Variants in PIWIL2 observed in about 807,000 individuals in gnomAD.
The protein encoded by PIWIL2 is piwi-like protein 2.
In PIWIL2, 81 loss-of-function variants were observed where a neutral mutation model predicts 116.5. That is an observed-to-expected ratio of 0.70 (90% CI 0.58 to 0.84). The LOEUF (loss-of-function observed/expected upper bound fraction) is 0.84, where lower values mean the gene tolerates loss of function less well. Among genes scored for constraint, PIWIL2 ranks in the 40% least tolerant of loss-of-function variants. The pLI is 0.00. For synonymous variants in PIWIL2, 489 were observed against 429.5 expected (o/e 1.14, Z -1.71); for missense variants, 1,272 against 1,212.3 (o/e 1.05, Z -0.73).
intron 4 of PIWIL2, 109 bp from the exon 5 acceptor site, chr8:22,282,925 A>T (rs1830543630): frequency 2.4e-6 from 2 of 840,612 alleles, no homozygotes; most frequent in African/African-American, 3.3e-5. Flanking sequence ...TGAAACTTGG[A>T]TCCCTTTTGC....
intron 16 of PIWIL2, 100 bp downstream of exon 16, chr8:22,311,400 C>A: frequency 1.1e-6 from 1 of 934,550 alleles, no homozygotes. Context: ...GTTGATGATG[C>A]CCTAGAACTT....
At chr8:22,347,551 G>A (rs1375915378) in intron 20 of PIWIL2, among the ~76,000 whole-genome samples, 1 of 129,040 alleles carries the variant, frequency 7.7e-6, no homozygotes, top group Non-Finnish European at 1.6e-5. Flanking sequence ...ATTTGAGACG[G>A]AGTCCTGCTC....
Position 22,305,930 on chromosome 8 carries a change from C to T in PIWIL2, c.1459C>T (p.Leu487=), listed in dbSNP as rs761328390. The part of the protein sequence containing the change: ...SERQDNHGML[L]KGEILLLPEL... The stretch of plus-strand genomic sequence containing the variant: ...CCTCTTCGTTCTCTCTTCAAAGCTG[C>T]TAAAAGGGGAAATCCTGCTGCTGCC... The change falls in exon 13 of 23, where the codon CTA becomes TTA. Residue 487 remains leucine, a synonymous_variant. Coordinates refer to ENST00000356766, the MANE Select transcript of PIWIL2 (RefSeq NM_018068.5). The T allele has an allele frequency of 8.7e-6, 14 of 1,613,082 alleles. No homozygotes were observed. The highest frequency in any genetic ancestry group is 1.1e-5 in the Non-Finnish European group (13 of 1,179,066).
At chr8:22,326,304 T>A (rs116913699) in intron 20 of PIWIL2, among the ~76,000 whole-genome samples, 1,598 of 152,180 alleles carry the variant, frequency 0.011, 14 homozygotes, top group Middle Eastern at 0.021. Context: ...GTGGATTGCT[T>A]GAGCTCAGGA....
chr8:22,354,292 C>A lies in PIWIL2; in HGVS notation c.2679C>A (p.Ala893=), dbSNP rs1182983756. Residue 893 remains alanine, a synonymous_variant, in exon 22 of 23, where the codon GCC becomes GCA. Transcript: ENST00000356766. ...SCEWVDFYLL[A]HHVRQGCGIP... is the part of the protein sequence containing the mutation. ...CTAGGGTGGATTTCTATCTTCTTGC[C>A]CATCATGTACGGCAGGGCTGTGGCA... The A allele has an allele frequency of 1.2e-6, 2 of 1,612,384 alleles. No individual in the cohort carries two copies. Among genetic ancestry groups the A allele is most frequent in the Admixed American group, 3.3e-5 (2 of 59,978 alleles).
intron 10 of PIWIL2, among the ~76,000 whole-genome samples, chr8:22,293,889 T>C (rs962192037): frequency 6.6e-6 from 1 of 152,208 alleles, no homozygotes; most frequent in African/African-American, 2.4e-5. Flanking sequence ...ATTTTCATGG[T>C]GAATGTCACC....
At chr8:22,354,784 A>G (rs534821604) in intron 22 of PIWIL2, among the ~76,000 whole-genome samples, 1 of 152,352 alleles carries the variant, frequency 6.6e-6, no homozygotes, top group African/African-American at 2.4e-5. Flanking sequence ...GTATAAAAAC[A>G]GGAGGCTGGG....
In PIWIL2 at chr8:22,304,099, C is replaced by G; in HGVS notation, c.1260C>G (p.Thr420=). 1.2e-6 allele frequency: 2 copies of G among 1,607,828 alleles called. No individual in the cohort carries two copies. Among genetic ancestry groups the G allele is most frequent in the Non-Finnish European group, 8.5e-7 (1 of 1,174,316 alleles). The part of the protein sequence containing the change: ...TKLLVGNIVI[T]RYNNRTYRID... ...TTCTGGTTGGCAATATTGTTATCAC[C>G]CGATATAACAATCGTACCTATCGTA... Residue 420 remains threonine (T), a synonymous_variant, in exon 11 of 23, where the codon ACC becomes ACG. Transcript: ENST00000356766.
At chr8:22,318,556 G>A (rs1212705946) in intron 20 of PIWIL2, among the ~76,000 whole-genome samples, 1 of 152,154 alleles carries the variant, frequency 6.6e-6, no homozygotes, top group African/African-American at 2.4e-5. Flanking sequence ...GACCTCAGGT[G>A]ATCTGCCTGC....
intron 20 of PIWIL2, among the ~76,000 whole-genome samples, chr8:22,330,969 G>C (rs1831848116): frequency 6.6e-6 from 1 of 152,174 alleles, no homozygotes; most frequent in East Asian, 1.9e-4. Flanking sequence ...GAAGTCAGGA[G>C]TTCGAGACCA....
At chr8:22,278,357 A>G (rs1830425246) in intron 1 of PIWIL2, among the ~76,000 whole-genome samples, 1 of 151,968 alleles carries the variant, frequency 6.6e-6, no homozygotes, top group Non-Finnish European at 1.5e-5. Context: ...CCGTCTGTAC[A>G]AAAAATGTAC....
chr8:22,288,330 A>AACT (rs1242112155), intron 7 of PIWIL2, among the ~76,000 whole-genome samples: 1 of 151,642 alleles, frequency 6.6e-6, no homozygotes, highest in Admixed American at 6.6e-5. Flanking sequence ...TGCAAATGTA[A>AACT]ACTTGGTTGG....
intron 4 of PIWIL2, 94 bp downstream of exon 4, chr8:22,281,609 A>G: frequency 1.9e-6 from 2 of 1,032,310 alleles, no homozygotes; most frequent in Non-Finnish European, 2.8e-6. Flanking sequence ...GTGTCATCTC[A>G]TAATCAATGT....
chr8:22,277,875 A>C (rs562476447), intron 1 of PIWIL2, among the ~76,000 whole-genome samples: 3 of 152,316 alleles, frequency 2.0e-5, no homozygotes, highest in African/African-American at 7.2e-5. Context: ...GTTAACTATG[A>C]AATTGTTTAT....
intron 10 of PIWIL2, among the ~76,000 whole-genome samples, chr8:22,293,894 G>C (rs1830823761): frequency 1.3e-5 from 2 of 152,104 alleles, no homozygotes; most frequent in African/African-American, 4.8e-5. Flanking sequence ...CATGGTGAAT[G>C]TCACCCACAT....
intron 20 of PIWIL2, among the ~76,000 whole-genome samples, chr8:22,340,527 G>A (rs554861298): frequency 6.6e-6 from 1 of 152,060 alleles, no homozygotes. Flanking sequence ...CCAATGATGG[G>A]TATTACCTTA....
rs1012440896 is a variant in PIWIL2 at position 22,281,370 on chromosome 8, C to A, written c.287-7C>A. The A allele has an allele frequency of 6.2e-7, 1 of 1,606,936 alleles. No homozygotes were observed. The highest frequency in any genetic ancestry group is 8.5e-7 in the Non-Finnish European group (1 of 1,178,432). On this transcript the variant is annotated splice_polypyrimidine_tract_variant and splice_region_variant and intron_variant, in intron 3 of 22. Coordinates refer to ENST00000356766, the MANE Select transcript of PIWIL2 (RefSeq NM_018068.5). The stretch of plus-strand genomic sequence containing the variant: ...AGTCATTGCTGGGGTTCGGTTCTTT[C>A]TTTCAGGTAGAGGCATTTTAGGTCG...
chr8:22,333,487 C>CTG (rs1051275626), intron 20 of PIWIL2, among the ~76,000 whole-genome samples: 4 of 152,006 alleles, frequency 2.6e-5, no homozygotes, highest in African/African-American at 9.7e-5. Flanking sequence ...TGGCACATGC[C>CTG]TGTAATCCTA....
intron 6 of PIWIL2, among the ~76,000 whole-genome samples, chr8:22,287,315 A>G (rs981280555): frequency 2.0e-5 from 3 of 152,108 alleles, no homozygotes; most frequent in Non-Finnish European, 4.4e-5. Flanking sequence ...TGGTGGTAGG[A>G]TTTGGTGGTT....
Sources: gnomAD v4.1 joint callset for allele counts (sites outside exome capture counted in the v4.1 genomes callset) on GRCh38, gnomAD v4.1.1 for gene constraint, MANE v1.5 for transcripts, NCBI Gene and HGNC (gene_info 2026-07-23, HGNC 2026-07-21) for gene names.